NAALADL2: variants seen among roughly 807,000 people sequenced by gnomAD.
NAALADL2 encodes the protein inactive N-acetylated-alpha-linked acidic dipeptidase-like protein 2.
In NAALADL2, 76 loss-of-function variants were observed where a neutral mutation model predicts 87.2. The ratio of observed to expected loss-of-function variants is 0.87; its 90% confidence interval spans 0.72 to 1.05. NAALADL2 has a LOEUF of 1.05. Among genes scored for constraint, NAALADL2 ranks in the 50% least tolerant of loss-of-function variants. The pLI, the probability that NAALADL2 is intolerant of heterozygous loss-of-function variation, is 0.00. For synonymous variants in NAALADL2, 354 were observed against 331.0 expected (o/e 1.07, Z -0.75); for missense variants, 1,089 against 945.8 (o/e 1.15, Z -1.99).
chr3:175,393,812 A>T (rs116648929), intron 5 of NAALADL2, among the ~76,000 whole-genome samples: 1 of 152,332 alleles, frequency 6.6e-6, no homozygotes, highest in Admixed American at 6.5e-5. Flanking sequence ...CCAACACACT[A>T]TCCATACCCA....
chr3:175,200,366 CT>C (rs892881284), intron 2 of NAALADL2, among the ~76,000 whole-genome samples: 8 of 151,886 alleles, frequency 5.3e-5, no homozygotes, highest in Admixed American at 3.3e-4. Context: ...CTCTCTCTCT[CT>C]TTTTTTCTTT....
intron 1 of NAALADL2, among the ~76,000 whole-genome samples, chr3:175,075,228 A>G (rs1716381844): frequency 6.6e-6 from 1 of 152,190 alleles, no homozygotes; most frequent in Admixed American, 6.5e-5. Context: ...CTAAGACACA[A>G]TTGTAACGTA....
At chr3:174,669,505 C>T (rs1726312794) in intron 2 of NAALADL2, among the ~76,000 whole-genome samples, 1 of 152,046 alleles carries the variant, frequency 6.6e-6, no homozygotes, top group African/African-American at 2.4e-5. Flanking sequence ...ACTGTGTTTT[C>T]CTCTTTATGT....
rs996163397 is a variant in NAALADL2, at chr3:174,917,296, T to C, written c.43+57846T>C. Among the ~76,000 whole-genome samples the C allele has an allele frequency of 3.3e-5, 5 of 152,248 alleles. No homozygotes were observed. The East Asian group carries it at 9.6e-4, about 29-fold the overall frequency. On this transcript the variant is annotated intron_variant, in intron 1 of 13. Coordinates refer to ENST00000454872, the MANE Select transcript of NAALADL2 (RefSeq NM_207015.3). ...GTTCAAGAACCTGTTGATGAAACAA[T>C]TCAAAGACAGCACATTTGCATTGTG...
chr3:175,102,469 A>T (rs760567696), intron 2 of NAALADL2, among the ~76,000 whole-genome samples: 1 of 152,156 alleles, frequency 6.6e-6, no homozygotes. Flanking sequence ...GAGTTTCCCC[A>T]TGGCTTTTAT....
chr3:174,912,021 T>C (rs909205193), intron 1 of NAALADL2, among the ~76,000 whole-genome samples: 6 of 152,134 alleles, frequency 3.9e-5, no homozygotes, highest in Non-Finnish European at 7.3e-5. Flanking sequence ...ATTATAACAG[T>C]TGCCAATTGT....
chr3:174,909,833 T>C (rs988755134), intron 1 of NAALADL2, among the ~76,000 whole-genome samples: 1 of 152,160 alleles, frequency 6.6e-6, no homozygotes, highest in African/African-American at 2.4e-5. Context: ...GTCAGCTGTT[T>C]TTATTATTTC....
intron 3 of NAALADL2, among the ~76,000 whole-genome samples, chr3:175,249,330 T>G (rs1202059444): frequency 6.6e-6 from 1 of 152,090 alleles, no homozygotes; most frequent in Non-Finnish European, 1.5e-5. Context: ...TTTAAAATAA[T>G]AGAGGATTAT....
At chr3:175,375,787 G>A (rs186153320) in intron 5 of NAALADL2, among the ~76,000 whole-genome samples, 110 of 151,958 alleles carry the variant, frequency 7.2e-4, no homozygotes, top group Non-Finnish European at 1.3e-3. Context: ...CACATTTACC[G>A]TATTCCTATT....
At chr3:175,667,241 A>AAGAAAGAAAGAAAT (rs1182682303) in intron 11 of NAALADL2, among the ~76,000 whole-genome samples, 2 of 91,716 alleles carry the variant, frequency 2.2e-5, no homozygotes, top group African/African-American at 1.0e-4. Context: ...GAAAGAAAGA[A>AAGAAAGAAAGAAAT]AAAGAAAGAA....
Position 174,770,623 on chromosome 3 carries a change from G to A in NAALADL2, c.-9+32877G>A, listed in dbSNP as rs1004471121. 2.8e-4 allele frequency among the ~76,000 whole-genome samples: 43 copies of A among 152,148 alleles called. 1 individual carries two copies. Among genetic ancestry groups the A allele is most frequent in the South Asian group, 6.2e-4 (3 of 4,816 alleles). On this transcript the variant is annotated intron_variant, in intron 3 of 3. Transcript: ENST00000434257. Reference sequence around the variant, plus strand: ...TGGGAGGCCGAGGTGGGCGGATCACGAGGTCAGGAGATCGAGACCATCCTG... The same window carrying A: ...TGGGAGGCCGAGGTGGGCGGATCACAAGGTCAGGAGATCGAGACCATCCTG...
At chr3:175,110,164 A>G (rs1196460020) in intron 2 of NAALADL2, among the ~76,000 whole-genome samples, 1 of 151,866 alleles carries the variant, frequency 6.6e-6, no homozygotes, top group Admixed American at 6.6e-5. Flanking sequence ...AGAGAAATGT[A>G]TTTCTGATTC....
At chr3:175,215,771 CT>C (rs1408097726) in intron 2 of NAALADL2, among the ~76,000 whole-genome samples, 2 of 152,144 alleles carry the variant, frequency 1.3e-5, no homozygotes, top group African/African-American at 4.8e-5. Context: ...CCAATGAAAA[CT>C]TTTAAAACAG....
At chr3:175,384,617 A>C (rs1287752541) in intron 5 of NAALADL2, among the ~76,000 whole-genome samples, 1 of 151,940 alleles carries the variant, frequency 6.6e-6, no homozygotes, top group African/African-American at 2.4e-5. Context: ...AATAAGAATT[A>C]TCCACACACC....
At chr3:175,443,207 C>A (rs1720106108) in intron 5 of NAALADL2, among the ~76,000 whole-genome samples, 1 of 152,076 alleles carries the variant, frequency 6.6e-6, no homozygotes, top group Non-Finnish European at 1.5e-5. Context: ...ATTAATGAGG[C>A]ACTTACTTTA....
At chr3:175,527,764 ATAG>A (rs938939703) in intron 9 of NAALADL2, among the ~76,000 whole-genome samples, 1 of 152,204 alleles carries the variant, frequency 6.6e-6, no homozygotes, top group Admixed American at 6.5e-5. Flanking sequence ...TATGCTTCTA[ATAG>A]ATTAAGATTT....
chr3:175,605,650 T>TTTTTTTGTTTTG (rs1560837779), intron 10 of NAALADL2, among the ~76,000 whole-genome samples: 1 of 146,214 alleles, frequency 6.8e-6, no homozygotes, highest in African/African-American at 2.7e-5. Flanking sequence ...GTTTTTTTTT[T>TTTTTTTGTTTTG]TTTTTTAACT....
intron 9 of NAALADL2, among the ~76,000 whole-genome samples, chr3:175,564,568 C>A (rs1716806679): frequency 6.6e-6 from 1 of 152,032 alleles, no homozygotes; most frequent in South Asian, 2.1e-4. Context: ...TTAAGATAAA[C>A]CTCAAGAAGG....
intron 1 of NAALADL2, among the ~76,000 whole-genome samples, chr3:175,027,194 G>A (rs1752320763): frequency 1.3e-5 from 2 of 152,056 alleles, no homozygotes; most frequent in African/African-American, 4.8e-5. Flanking sequence ...TTCATTTAAT[G>A]TATATTGTCT....
Sources: allele counts gnomAD v4.1 joint callset (sites outside exome capture counted in the v4.1 genomes callset), GRCh38; gene constraint gnomAD v4.1.1; transcripts MANE v1.5; gene names NCBI Gene and HGNC (gene_info 2026-07-23, HGNC 2026-07-21).